The following PCDHGA1 variants were observed in gnomAD, a reference collection of about 807,000 sequenced individuals.
PCDHGA1 encodes protocadherin gamma-A1.
A neutral mutation model predicts 58.0 loss-of-function variants in PCDHGA1; 32 were observed. That is an observed-to-expected ratio of 0.55 (90% CI 0.42 to 0.74). The LOEUF (loss-of-function observed/expected upper bound fraction) is 0.74, where lower values mean the gene tolerates loss of function less well. Among genes scored for constraint, PCDHGA1 ranks in the 30% least tolerant of loss-of-function variants. The pLI is 0.00. For synonymous variants in PCDHGA1, 498 were observed against 501.1 expected (o/e 0.99, Z 0.08); for missense variants, 1,205 against 1,182.3 (o/e 1.02, Z -0.28).
chr5:141,405,215 C>T, intron 1 of PCDHGA1: 1 of 1,614,078 alleles, frequency 6.2e-7, no homozygotes, highest in Non-Finnish European at 8.5e-7. Flanking sequence ...GACCTATTCT[C>T]AGGAGTTCTC....
intron 1 of PCDHGA1, chr5:141,413,569 G>A: frequency 1.2e-6 from 2 of 1,613,846 alleles, no homozygotes; most frequent in Non-Finnish European, 1.7e-6. Context: ...TGATATCAAT[G>A]ACAATGCTCC....
Position 141,340,553 on chromosome 5 carries a change from T to A in PCDHGA1, c.2421+7448T>A, listed in dbSNP as rs141806381. On this transcript the variant is annotated intron_variant, in intron 1 of 3. Transcript: ENST00000517417. ...CTTTGATTATGAGCAGTTGCGAGAC[T>A]TGCAAGTGTGGGTGATAGCGCGGGA... 4 of 1,614,114 alleles carry A rather than the reference T, an allele frequency of 2.5e-6. No homozygotes were observed. In the African/African-American group the frequency reaches 5.3e-5, roughly 22 times the overall value.
chr5:141,431,748 G>T lies in PCDHGA1; in HGVS notation c.2422-63059G>T. 1 of 1,614,196 alleles carries T rather than the reference G, an allele frequency of 6.2e-7. No homozygotes were observed. Among genetic ancestry groups the T allele is most frequent in the Non-Finnish European group, 8.5e-7 (1 of 1,180,042 alleles). Reference sequence around the variant, plus strand: ...ATGGATAATGCAGGATATTCTGCGCGAGCCAAAGTCCTGATCACTGTTCTG... The same window carrying T: ...ATGGATAATGCAGGATATTCTGCGCTAGCCAAAGTCCTGATCACTGTTCTG... On this transcript the variant is annotated intron_variant, in intron 1 of 3. Transcript: ENST00000517417. This position sits in a 1 kb window ranked among gnomAD's most constrained non-coding sequence, Gnocchi z 4.8.
intron 1 of PCDHGA1, among the ~76,000 whole-genome samples, chr5:141,464,964 A>G (rs1433148254): frequency 6.6e-6 from 1 of 152,030 alleles, no homozygotes; most frequent in Non-Finnish European, 1.5e-5. Flanking sequence ...CTTGTCTTGA[A>G]CTACTGGCTT....
chr5:141,343,187 T>G (rs1757263957), intron 1 of PCDHGA1: 1 of 553,308 alleles, frequency 1.8e-6, no homozygotes, highest in African/African-American at 2.0e-5. Context: ...TCCCCAAACA[T>G]ATTGTCTGAT....
intron 1 of PCDHGA1, chr5:141,407,957 G>C (rs1166490050): frequency 1.5e-6 from 1 of 660,376 alleles, no homozygotes; most frequent in African/African-American, 1.8e-5. Flanking sequence ...GGCCAGTGCA[G>C]AGCAAGCGCT....
Position 141,431,464 on chromosome 5 carries a change from G to GA in PCDHGA1, c.2422-63341dup, listed in dbSNP as rs1561852795. 1 of 1,613,782 alleles carries GA rather than the reference G, an allele frequency of 6.2e-7. No homozygotes were observed. Among genetic ancestry groups the GA allele is most frequent in the Non-Finnish European group, 8.5e-7 (1 of 1,179,972 alleles). ...GCATCCGCGTGATGGTTCTGGATGC[G>GA]AACGACAACGCACCAGCGTTTGCTC... On this transcript the variant is annotated intron_variant, in intron 1 of 3. Coordinates refer to ENST00000517417, the MANE Select transcript of PCDHGA1 (RefSeq NM_018912.3). This position sits in a 1 kb window ranked among gnomAD's most constrained non-coding sequence, Gnocchi z 4.8.
chr5:141,395,654 A>G (rs1462491005), intron 1 of PCDHGA1: 1 of 164,436 alleles, frequency 6.1e-6, no homozygotes, highest in Admixed American at 6.1e-5. Context: ...AGCTTAGCAA[A>G]AGTAAAATAT....
intron 1 of PCDHGA1, chr5:141,416,678 G>T (rs2096051953): frequency 6.6e-6 from 1 of 151,990 alleles, no homozygotes; most frequent in Non-Finnish European, 1.5e-5. Flanking sequence ...TGCAACGAAG[G>T]GAAATTATAT....
At chr5:141,354,497 T>C (rs943322375) in intron 1 of PCDHGA1, among the ~76,000 whole-genome samples, 4 of 152,204 alleles carry the variant, frequency 2.6e-5, no homozygotes, top group South Asian at 2.1e-4. Context: ...GAACAGTAGG[T>C]GAGTTTTTTG....
In PCDHGA1 at chr5:141,364,151, G is replaced by T. The variant is rs1285824596; in HGVS notation, c.2421+31046G>T. The T allele has an allele frequency of 1.1e-5, 6 of 558,010 alleles. No individual in the cohort carries two copies. The African/African-American group carries it at 1.2e-4, about 11-fold the overall frequency. 34.6% of individuals were successfully genotyped at this position (558,010 alleles called of 1,614,324 possible). ...TGTTGACCAAAGTGGGAAAGAAGCT[G>T]CCGCAGAGGCGACCCGACTCTGCTC... On this transcript the variant is annotated intron_variant, in intron 1 of 3. Transcript: ENST00000517417.
chr5:141,343,303 G>T (rs1215498079), intron 1 of PCDHGA1: 81 of 972,074 alleles, frequency 8.3e-5, no homozygotes, highest in Non-Finnish European at 9.4e-5. Flanking sequence ...TATAAATATG[G>T]CTGATTTCTG....
chr5:141,337,190 C>A (rs1756664304), intron 1 of PCDHGA1, among the ~76,000 whole-genome samples: 2 of 152,172 alleles, frequency 1.3e-5, no homozygotes. Flanking sequence ...TAAAATGACA[C>A]AACTGCTGTG....
At chr5:141,464,944 G>T (rs1379789566) in intron 1 of PCDHGA1, among the ~76,000 whole-genome samples, 1 of 151,826 alleles carries the variant, frequency 6.6e-6, no homozygotes, top group African/African-American at 2.4e-5. Context: ...GTCTCACTAT[G>T]TTGCCCAGGC....
chr5:141,464,676 T>C (rs1337677151), intron 1 of PCDHGA1, among the ~76,000 whole-genome samples: 3 of 152,176 alleles, frequency 2.0e-5, no homozygotes, highest in Non-Finnish European at 2.9e-5. Context: ...ATAATTTTAA[T>C]TAAAATTTCT....
intron 1 of PCDHGA1, among the ~76,000 whole-genome samples, chr5:141,449,891 A>G (rs2098658520): frequency 6.6e-6 from 1 of 151,872 alleles, no homozygotes; most frequent in Non-Finnish European, 1.5e-5. Flanking sequence ...CAATATAATT[A>G]TTTAGCCTAT....
chr5:141,454,740 G>GAGGCC (rs2098797560), intron 1 of PCDHGA1, among the ~76,000 whole-genome samples: 1 of 147,160 alleles, frequency 6.8e-6, no homozygotes, highest in Non-Finnish European at 1.5e-5. Flanking sequence ...AGGATGAAAA[G>GAGGCC]AGGCCAAACT....
At chr5:141,495,065 T>C (rs1413025171) in intron 2 of PCDHGA1, among the ~76,000 whole-genome samples, 200 bp downstream of exon 2, 1 of 152,148 alleles carries the variant, frequency 6.6e-6, no homozygotes, top group Admixed American at 6.5e-5. Flanking sequence ...TTCAGGAAGC[T>C]CAATTCACAT....
chr5:141,404,071 C>T, intron 1 of PCDHGA1: 2 of 1,613,734 alleles, frequency 1.2e-6, no homozygotes, highest in Non-Finnish European at 1.7e-6. Context: ...ATGCTCATGA[C>T]CGAGACTCCG....
Sources: gnomAD v4.1 joint callset for allele counts (sites outside exome capture counted in the v4.1 genomes callset) on GRCh38, gnomAD v4.1.1 for gene constraint, Gnocchi (gnomAD v3.1) non-coding constraint, MANE v1.5 for transcripts, NCBI Gene and HGNC (gene_info 2026-07-23, HGNC 2026-07-21) for gene names.